Variants in ANGPT1 observed in about 807,000 individuals in gnomAD.
ANGPT1 encodes the protein angiopoietin-1.
In ANGPT1, 17 loss-of-function variants were observed where a neutral mutation model predicts 62.2. The observed-to-expected ratio is 0.27, with a 90% CI of 0.19 to 0.41. ANGPT1 has a LOEUF of 0.41. Ranked by LOEUF, ANGPT1 falls within the 10% of genes least tolerant of loss-of-function variation. The pLI, the probability that ANGPT1 is intolerant of heterozygous loss-of-function variation, is 1.00. For synonymous variants in ANGPT1, 199 were observed against 198.9 expected, an observed-to-expected ratio of 1.00 and a Z score of 0.00; for missense variants, 478 against 594.9, an observed-to-expected ratio of 0.80 and a Z score of 2.04.
At chr8:107,346,217 G>A (rs1017124355) in intron 2 of ANGPT1, among the ~76,000 whole-genome samples, 4 of 152,094 alleles carry the variant, frequency 2.6e-5, no homozygotes, top group Non-Finnish European at 5.9e-5. Context: ...CAGCTTTCAT[G>A]TCAGAAATCA....
At chr8:107,315,636 CG>C (rs1814996239) in intron 4 of ANGPT1, among the ~76,000 whole-genome samples, 1 of 151,954 alleles carries the variant, frequency 6.6e-6, no homozygotes. Context: ...ATTTTTCTTT[CG>C]GTCTCTTTTT....
chr8:107,370,785 A>G (rs1347818247), intron 1 of ANGPT1, among the ~76,000 whole-genome samples: 4 of 151,714 alleles, frequency 2.6e-5, no homozygotes, highest in South Asian at 4.2e-4. Context: ...CAATGAAAAG[A>G]AAAAAAAGAG....
chr8:107,365,741 T>C (rs1319344645), intron 1 of ANGPT1, among the ~76,000 whole-genome samples: 2 of 152,056 alleles, frequency 1.3e-5, no homozygotes, highest in African/African-American at 4.8e-5. Context: ...GATTGGTTCT[T>C]CTCAGGAAAA....
chr8:107,290,933 T>A (rs991043184), intron 6 of ANGPT1, among the ~76,000 whole-genome samples: 1 of 152,216 alleles, frequency 6.6e-6, no homozygotes, highest in Non-Finnish European at 1.5e-5. Flanking sequence ...TTACTTAACA[T>A]GCCTAGCTTG....
intron 1 of ANGPT1, among the ~76,000 whole-genome samples, chr8:107,429,300 G>A (rs939242577): frequency 2.0e-5 from 3 of 152,336 alleles, no homozygotes; most frequent in Non-Finnish European, 2.9e-5. Context: ...TACTGCAGGC[G>A]AGTGAAACCC....
chr8:107,349,051 C>G (rs1337636312), intron 1 of ANGPT1, among the ~76,000 whole-genome samples: 2 of 151,880 alleles, frequency 1.3e-5, no homozygotes, highest in Non-Finnish European at 2.9e-5. Flanking sequence ...AGTTGATGCC[C>G]GATTTTGCCA....
At chr8:107,275,906 G>A (rs1034379095) in intron 7 of ANGPT1, among the ~76,000 whole-genome samples, 1 of 152,098 alleles carries the variant, frequency 6.6e-6, no homozygotes, top group Non-Finnish European at 1.5e-5. Context: ...TTCTGTGACA[G>A]GAATCCTCTG....
At chr8:107,413,120 G>A (rs1420810165) in intron 1 of ANGPT1, among the ~76,000 whole-genome samples, 1 of 152,148 alleles carries the variant, frequency 6.6e-6, no homozygotes, top group Non-Finnish European at 1.5e-5. Flanking sequence ...AGTTTACTCA[G>A]CCCTGGGTGA....
intron 1 of ANGPT1, among the ~76,000 whole-genome samples, chr8:107,452,855 T>G (rs942697983): frequency 6.6e-6 from 1 of 152,062 alleles, no homozygotes; most frequent in African/African-American, 2.4e-5. Context: ...ATGCTTGTTT[T>G]TTGCTTAGTC....
intron 1 of ANGPT1, among the ~76,000 whole-genome samples, chr8:107,395,251 T>C (rs1311500125): frequency 6.6e-6 from 1 of 152,192 alleles, no homozygotes; most frequent in Non-Finnish European, 1.5e-5. Context: ...ATGACCTCTA[T>C]GATTTCTTCC....
At chr8:107,463,913 A>C (rs1481059976) in intron 1 of ANGPT1, among the ~76,000 whole-genome samples, 1 of 152,198 alleles carries the variant, frequency 6.6e-6, no homozygotes, top group Non-Finnish European at 1.5e-5. Context: ...ATGCACTATA[A>C]AATCCAGACT....
intron 1 of ANGPT1, among the ~76,000 whole-genome samples, chr8:107,420,258 A>G (rs1027870381): frequency 6.6e-6 from 1 of 152,180 alleles, no homozygotes; most frequent in Non-Finnish European, 1.5e-5. Context: ...TATTGGAAAT[A>G]ATGCCTCTGA....
chr8:107,276,413 T>C (rs1813867971), intron 7 of ANGPT1, among the ~76,000 whole-genome samples: 1 of 152,078 alleles, frequency 6.6e-6, no homozygotes, highest in Non-Finnish European at 1.5e-5. Context: ...TTTCAACATA[T>C]TTGCTACTGG....
intron 2 of ANGPT1, among the ~76,000 whole-genome samples, chr8:107,345,570 G>T (rs1377107139): frequency 6.6e-6 from 1 of 152,138 alleles, no homozygotes; most frequent in Admixed American, 6.6e-5. Context: ...TTTCAAATAT[G>T]CAATTAAGTA....
At chr8:107,428,209 C>T (rs1433421396) in intron 1 of ANGPT1, among the ~76,000 whole-genome samples, 1 of 152,128 alleles carries the variant, frequency 6.6e-6, no homozygotes, top group African/African-American at 2.4e-5. Flanking sequence ...GCTTTCCTTC[C>T]CAGATGACAT....
At position 107,250,438 on chromosome 8, in the gene ANGPT1, T is replaced by C. The variant is rs957140079; in HGVS notation, c.*1417A>G. On this transcript the variant is annotated 3_prime_UTR_variant, in exon 9 of 9. Transcript: ENST00000517746. ...CTATGATTAATTTTCTTTTTGTATA[T>C]ATTTCCCTTACATATAATAGTTTTG... 6 of 152,140 alleles carry C rather than the reference T, an allele frequency of 3.9e-5. No individual in the cohort carries two copies. Among genetic ancestry groups the C allele is most frequent in the African/African-American group, 1.2e-4 (5 of 41,452 alleles). The allele number at this position is 152,140 out of a possible 1,614,324, so 9.4% of individuals were successfully genotyped here.
At chr8:107,302,762 T>C (rs1313609922) in intron 5 of ANGPT1, among the ~76,000 whole-genome samples, 1 of 151,886 alleles carries the variant, frequency 6.6e-6, no homozygotes, top group Non-Finnish European at 1.5e-5. Flanking sequence ...GGAAAGCAAA[T>C]TCTTTCAAGA....
chr8:107,269,109 G>A (rs1470589961), intron 7 of ANGPT1, among the ~76,000 whole-genome samples: 2 of 151,948 alleles, frequency 1.3e-5, no homozygotes, highest in Non-Finnish European at 2.9e-5. Context: ...TACTTCTGTG[G>A]AATCCCAGAA....
At chr8:107,454,729 T>G (rs1811870856) in intron 1 of ANGPT1, among the ~76,000 whole-genome samples, 1 of 152,114 alleles carries the variant, frequency 6.6e-6, no homozygotes, top group South Asian at 2.1e-4. Context: ...AAATTTCACC[T>G]GCCTAACTTT....
Sources: gnomAD v4.1 joint callset for allele counts (sites outside exome capture counted in the v4.1 genomes callset) on GRCh38, gnomAD v4.1.1 for gene constraint, MANE v1.5 for transcripts, NCBI Gene and HGNC (gene_info 2026-07-23, HGNC 2026-07-21) for gene names.